The following SSBP2 variants were observed in gnomAD, a reference collection of about 807,000 sequenced individuals.
SSBP2 encodes single stranded DNA binding protein 2.
Under a neutral mutation model 61.8 loss-of-function variants are expected in SSBP2, and 17 were observed. The ratio of observed to expected loss-of-function variants is 0.28; its 90% confidence interval spans 0.19 to 0.41. SSBP2 has a LOEUF of 0.41. Among genes scored for constraint, SSBP2 ranks in the 10% least tolerant of loss-of-function variants. The probability of loss-of-function intolerance (pLI) is 1.00; values close to 1 mark genes in which losing one functional copy is unlikely to be tolerated. For missense variants in SSBP2, 310 were observed against 458.7 expected, an observed-to-expected ratio of 0.68 and a Z score of 2.96; for synonymous variants, 139 against 141.3, an observed-to-expected ratio of 0.98 and a Z score of 0.12.
At chr5:81,507,392 C>T (rs987169113) in intron 5 of SSBP2, among the ~76,000 whole-genome samples, 2 of 152,092 alleles carry the variant, frequency 1.3e-5, no homozygotes, top group African/African-American at 2.4e-5. Context: ...AACATATTAT[C>T]AGTTTTCAAC....
chr5:81,565,601 C>T (rs1014157217), intron 4 of SSBP2, among the ~76,000 whole-genome samples: 1 of 152,102 alleles, frequency 6.6e-6, no homozygotes, highest in African/African-American at 2.4e-5. Flanking sequence ...GGTATACATA[C>T]TTCCATTATA....
chr5:81,543,564 C>T (rs1369188099), intron 4 of SSBP2, among the ~76,000 whole-genome samples: 2 of 152,064 alleles, frequency 1.3e-5, no homozygotes, highest in Non-Finnish European at 2.9e-5. Context: ...ATGCTCAGTA[C>T]CTGGGTGATA....
At chr5:81,558,716 T>A (rs1772795846) in intron 4 of SSBP2, among the ~76,000 whole-genome samples, 1 of 152,260 alleles carries the variant, frequency 6.6e-6, no homozygotes, top group African/African-American at 2.4e-5. Context: ...GTTAAACTTG[T>A]ATTTTGCTTT....
intron 4 of SSBP2, among the ~76,000 whole-genome samples, chr5:81,524,133 T>C (rs1327317637): frequency 6.6e-6 from 1 of 152,000 alleles, no homozygotes; most frequent in African/African-American, 2.4e-5. Flanking sequence ...AAAACTTTTT[T>C]CCCCTCTGTG....
chr5:81,500,282 C>T (rs140024265), intron 5 of SSBP2, among the ~76,000 whole-genome samples: 2,018 of 152,114 alleles, frequency 0.013, 32 homozygotes, highest in South Asian at 0.095. Flanking sequence ...GGCGCTATCT[C>T]GCCTCACTAC....
At chr5:81,728,857 C>T (rs1467231376) in intron 1 of SSBP2, among the ~76,000 whole-genome samples, 1 of 152,036 alleles carries the variant, frequency 6.6e-6, no homozygotes, top group East Asian at 1.9e-4. Flanking sequence ...AAACTGAGGC[C>T]CTATGCAATG....
chr5:81,645,632 T>C (rs569633230), intron 2 of SSBP2, among the ~76,000 whole-genome samples: 1 of 152,334 alleles, frequency 6.6e-6, no homozygotes. Flanking sequence ...AAAGGATAGC[T>C]TCTAATGAAT....
In SSBP2 at chr5:81,461,536, T is replaced by C. The variant is rs538310541; in HGVS notation, c.639-433A>G. Among the ~76,000 whole-genome samples the C allele has an allele frequency of 1.3e-3, 201 of 152,226 alleles. 1 individual carries two copies. Among genetic ancestry groups the C allele is most frequent in the African/African-American group, 4.7e-3 (195 of 41,566 alleles). ...TAAAACATCAATATATGTAAAATGATTGATCTTAAGCTATAAGCAAATAAA... is the reference window on the plus strand; with the variant it reads ...TAAAACATCAATATATGTAAAATGACTGATCTTAAGCTATAAGCAAATAAA... On this transcript the variant is annotated intron_variant, in intron 9 of 16. Coordinates refer to ENST00000320672, the MANE Select transcript of SSBP2 (RefSeq NM_012446.5).
In SSBP2 at chr5:81,417,595, CAA is replaced by C. The variant is rs1761363928; in HGVS notation, c.*2907_*2908del. On this transcript the variant is annotated 3_prime_UTR_variant, in exon 17 of 17. Coordinates refer to ENST00000320672, the MANE Select transcript of SSBP2 (RefSeq NM_012446.5). ...AATGCATTGATAAAGATGGAAAACA[CAA>C]GAGAAAAACATTAAATAGTCTTATT... The C allele has an allele frequency of 6.6e-6, 1 of 151,836 alleles. No individual in the cohort carries two copies. The allele number at this position is 151,836 out of a possible 1,614,324, so 9.4% of individuals were successfully genotyped here.
chr5:81,587,925 A>G (rs1381676881), intron 4 of SSBP2, among the ~76,000 whole-genome samples: 1 of 152,182 alleles, frequency 6.6e-6, no homozygotes, highest in East Asian at 1.9e-4. Flanking sequence ...GCTTGCCACT[A>G]TCTTAGTGCA....
intron 4 of SSBP2, among the ~76,000 whole-genome samples, chr5:81,530,487 T>C (rs554060197): frequency 2.2e-4 from 34 of 152,106 alleles, no homozygotes; most frequent in African/African-American, 6.3e-4. Flanking sequence ...TTGTTGATGA[T>C]TGTTACACAA....
intron 5 of SSBP2, among the ~76,000 whole-genome samples, chr5:81,511,894 G>A (rs964102): frequency 0.41 from 62,356 of 151,908 alleles, 15,034 homozygotes; most frequent in African/African-American, 0.68. Flanking sequence ...AAAAGCTAAC[G>A]GTTTCAATTA....
chr5:81,425,870 A>C (rs1761919055), intron 16 of SSBP2, among the ~76,000 whole-genome samples: 1 of 152,126 alleles, frequency 6.6e-6, no homozygotes, highest in South Asian at 2.1e-4. Flanking sequence ...GTGTGAAGAG[A>C]CTAGGATAGT....
intron 6 of SSBP2, among the ~76,000 whole-genome samples, chr5:81,476,245 A>G (rs1193830514): frequency 6.6e-6 from 1 of 152,172 alleles, no homozygotes. Flanking sequence ...CAGGAAATCA[A>G]CATTGACAGC....
intron 3 of SSBP2, among the ~76,000 whole-genome samples, chr5:81,629,193 C>G (rs1747464308): frequency 6.6e-6 from 1 of 152,144 alleles, no homozygotes; most frequent in Admixed American, 6.5e-5. Context: ...CCATGTTGCC[C>G]AGGCTGGTCT....
At chr5:81,681,357 TA>T (rs1347790650) in intron 1 of SSBP2, among the ~76,000 whole-genome samples, 1 of 151,716 alleles carries the variant, frequency 6.6e-6, no homozygotes, top group African/African-American at 2.4e-5. Flanking sequence ...CCATCTCTAC[TA>T]AAAATGGAAA....
chr5:81,523,499 A>G (rs1375421494), intron 4 of SSBP2, among the ~76,000 whole-genome samples: 1 of 152,084 alleles, frequency 6.6e-6, no homozygotes, highest in Non-Finnish European at 1.5e-5. Flanking sequence ...CCTGAGGCTA[A>G]GACGTACTGA....
chr5:81,541,030 A>G (rs1012245754), intron 4 of SSBP2, among the ~76,000 whole-genome samples: 2 of 152,178 alleles, frequency 1.3e-5, no homozygotes, highest in African/African-American at 4.8e-5. Flanking sequence ...AGACCCTGCC[A>G]AAAGTTTCCT....
chr5:81,594,809 A>C (rs1240176291), intron 4 of SSBP2, among the ~76,000 whole-genome samples: 2 of 152,218 alleles, frequency 1.3e-5, no homozygotes, highest in African/African-American at 2.4e-5. Flanking sequence ...ACAAAGACAC[A>C]ACATACCAGA....
Sources: gnomAD v4.1 joint callset for allele counts (sites outside exome capture counted in the v4.1 genomes callset) on GRCh38, gnomAD v4.1.1 for gene constraint, MANE v1.5 for transcripts, NCBI Gene and HGNC (gene_info 2026-07-23, HGNC 2026-07-21) for gene names.